Variants in LRRC49 observed in about 807,000 individuals in gnomAD.
LRRC49 encodes leucine rich repeat containing 49.
LRRC49 carries 50 observed loss-of-function variants against 83.3 expected under a neutral mutation model. The observed-to-expected ratio is 0.60, with a 90% CI of 0.48 to 0.76. The LOEUF is 0.76. Ranked by LOEUF, LRRC49 falls within the 30% of genes least tolerant of loss-of-function variation. The probability of loss-of-function intolerance (pLI) is 0.00; values close to 1 mark genes in which losing one functional copy is unlikely to be tolerated. For missense variants in LRRC49, 704 were observed against 809.1 expected, an observed-to-expected ratio of 0.87 and a Z score of 1.58; for synonymous variants, 286 against 283.3, an observed-to-expected ratio of 1.01 and a Z score of -0.10.
chr15:70,919,800 A>G (rs2141133970), intron 7 of LRRC49, among the ~76,000 whole-genome samples: 1 of 152,154 alleles, frequency 6.6e-6, no homozygotes, highest in South Asian at 2.1e-4. Context: ...TGGTTTATTG[A>G]CTCTGAAAAA....
At chr15:70,890,593 T>C (rs1471756156), upstream of LRRC49, among the ~76,000 whole-genome samples, 1 of 152,280 alleles carries the variant, frequency 6.6e-6, no homozygotes, top group East Asian at 1.9e-4. Context: ...TTCATGGCAA[T>C]TATGGTAAGT....
chr15:70,978,403 C>T (rs1403464133), intron 9 of LRRC49, among the ~76,000 whole-genome samples: 1 of 152,104 alleles, frequency 6.6e-6, no homozygotes, highest in East Asian at 1.9e-4. Flanking sequence ...AAGTTTTCAA[C>T]CAGAAGTAAA....
intron 5 of LRRC49, among the ~76,000 whole-genome samples, chr15:70,910,400 A>G (rs914724493): frequency 9.2e-5 from 14 of 152,146 alleles, no homozygotes; most frequent in African/African-American, 3.4e-4. Flanking sequence ...TATACACACT[A>G]TATATAGATA....
chr15:70,911,444 T>G, intron 5 of LRRC49, 88 bp from the exon 6 acceptor site: 1 of 656,194 alleles, frequency 1.5e-6, no homozygotes, highest in South Asian at 2.0e-5. Context: ...TAAATTAAAA[T>G]GAGTTACACC....
chr15:70,901,908 A>G (rs1433883806), intron 4 of LRRC49, among the ~76,000 whole-genome samples: 2 of 152,170 alleles, frequency 1.3e-5, no homozygotes, highest in Non-Finnish European at 2.9e-5. Context: ...GAAGGATCCC[A>G]ATCTCTATCT....
At chr15:70,976,178 G>A (rs1258742132) in intron 9 of LRRC49, among the ~76,000 whole-genome samples, 1 of 152,152 alleles carries the variant, frequency 6.6e-6, no homozygotes, top group African/African-American at 2.4e-5. Flanking sequence ...ATCCTGTTCT[G>A]ACTATTTCCC....
rs1567040796 is a variant in LRRC49, at chr15:70,895,866, T to C, written c.123T>C (p.Asn41=). Residue 41 remains asparagine (N), a synonymous_variant, in exon 3 of 16, where the codon AAT becomes AAC. Coordinates refer to ENST00000260382, the MANE Select transcript of LRRC49 (RefSeq NM_017691.5). ...TTTTTCAGGTTGAATTCAAGCTAAA[T>C]AAAGACACATCGTCATTCCCCGGTA... ...PEKNKVEFKL[N]KDTSSFPGRL... The C allele has an allele frequency of 1.2e-6, 2 of 1,609,590 alleles. No individual in the cohort carries two copies. The highest frequency in any genetic ancestry group is 1.7e-6 in the Non-Finnish European group (2 of 1,177,986).
At chr15:70,944,424 C>T (rs1341148480) in intron 8 of LRRC49, among the ~76,000 whole-genome samples, 1 of 151,770 alleles carries the variant, frequency 6.6e-6, no homozygotes, top group Non-Finnish European at 1.5e-5. Flanking sequence ...TTCTTTGAGA[C>T]CCAGTCTCAC....
At chr15:70,999,510 G>A (rs561197858) in intron 11 of LRRC49, among the ~76,000 whole-genome samples, 5 of 152,190 alleles carry the variant, frequency 3.3e-5, no homozygotes, top group South Asian at 2.1e-4. Flanking sequence ...AGACTCTATC[G>A]ATTGGTTCTG....
chr15:70,873,149 T>C lies in LRRC49; in HGVS notation c.-57T>C, dbSNP rs1595972600. 3.4e-6 allele frequency: 5 copies of C among 1,466,458 alleles called. No individual in the cohort carries two copies. The East Asian group carries it at 1.2e-4, about 36-fold the overall frequency. 90.8% of individuals were successfully genotyped at this position (1,466,458 alleles called of 1,614,324 possible). ...ATCCACCCGCCTTGGCCTCCCAAAG[T>C]GTTGGGATTACAGGAGTGAGCCACC... On this transcript the variant is annotated 5_prime_UTR_variant, in exon 2 of 17. Transcript: ENST00000544974.
intron 11 of LRRC49, among the ~76,000 whole-genome samples, chr15:71,004,978 AC>A (rs1347054812): frequency 6.6e-6 from 1 of 152,062 alleles, no homozygotes. Flanking sequence ...TGTAAAATAA[AC>A]CCCCATGACA....
At chr15:71,007,163 G>A (rs976980749) in intron 11 of LRRC49, among the ~76,000 whole-genome samples, 1 of 151,856 alleles carries the variant, frequency 6.6e-6, no homozygotes, top group Non-Finnish European at 1.5e-5. Context: ...AGGTTAACTG[G>A]TACCTCTGAA....
intron 15 of LRRC49, among the ~76,000 whole-genome samples, chr15:71,046,389 G>C (rs1324144933): frequency 1.3e-5 from 2 of 152,064 alleles, no homozygotes. Context: ...TTTAGTAATA[G>C]CCATTCTAAC....
At chr15:70,867,833 G>T (rs956655393) in intron 1 of LRRC49, among the ~76,000 whole-genome samples, 1 of 152,152 alleles carries the variant, frequency 6.6e-6, no homozygotes, top group Non-Finnish European at 1.5e-5. Context: ...ATCTTGTCAC[G>T]CATTTCTTTG....
chr15:70,967,381 A>T (rs1317634659), intron 9 of LRRC49, among the ~76,000 whole-genome samples: 1 of 152,076 alleles, frequency 6.6e-6, no homozygotes, highest in South Asian at 2.1e-4. Flanking sequence ...AGCCTTGAAG[A>T]TAGATCGGAG....
chr15:71,031,786 A>T (rs1423616561), intron 14 of LRRC49, among the ~76,000 whole-genome samples: 1 of 152,102 alleles, frequency 6.6e-6, no homozygotes, highest in Non-Finnish European at 1.5e-5. Flanking sequence ...CAGCCTCCTT[A>T]GCACTGTCAG....
intron 7 of LRRC49, among the ~76,000 whole-genome samples, chr15:70,929,218 C>A (rs1468787423): frequency 6.6e-6 from 1 of 151,928 alleles, no homozygotes; most frequent in East Asian, 1.9e-4. Context: ...TGCAGGTATA[C>A]CTTAGAGATA....
intron 15 of LRRC49, among the ~76,000 whole-genome samples, chr15:71,041,069 A>G (rs2039687607): frequency 6.6e-6 from 1 of 152,162 alleles, no homozygotes; most frequent in South Asian, 2.1e-4. Context: ...AGAAATAAAC[A>G]CAACCTAGGC....
chr15:71,034,303 T>G (rs1368215641), intron 14 of LRRC49, among the ~76,000 whole-genome samples: 1 of 152,208 alleles, frequency 6.6e-6, no homozygotes, highest in East Asian at 1.9e-4. Context: ...TCACTGATTA[T>G]TAGAGAAATG....
Sources: allele counts gnomAD v4.1 joint callset (sites outside exome capture counted in the v4.1 genomes callset), GRCh38; gene constraint gnomAD v4.1.1; transcripts MANE v1.5; gene names NCBI Gene and HGNC (gene_info 2026-07-23, HGNC 2026-07-21).